The following MYH15 variants were observed in gnomAD, a reference collection of about 807,000 sequenced individuals.
MYH15 encodes myosin-15.
In MYH15, 227 loss-of-function variants were observed where a neutral mutation model predicts 240.5. That is an observed-to-expected ratio of 0.94 (90% CI 0.85 to 1.05). The LOEUF (loss-of-function observed/expected upper bound fraction) is 1.05. MYH15 is among the 50% of genes least tolerant of loss of function. The pLI is 0.00. For missense variants in MYH15, 2,217 were observed against 2,247.5 expected, an observed-to-expected ratio of 0.99 and a Z score of 0.27; for synonymous variants, 785 against 796.7, an observed-to-expected ratio of 0.99 and a Z score of 0.25.
chr3:108,538,689 T>A, the MYH15 span, among the ~76,000 whole-genome samples: 3 of 152,232 alleles, frequency 2.0e-5, no homozygotes, highest in Non-Finnish European at 4.4e-5. Context: ...GAGATGTGTA[T>A]ATAAAAGTTC....
intron 25 of MYH15, among the ~76,000 whole-genome samples, chr3:108,431,978 G>A (rs970291226): frequency 6.6e-6 from 1 of 152,200 alleles, no homozygotes; most frequent in Non-Finnish European, 1.5e-5. Context: ...TCAGAGATAT[G>A]ACTTAGGGTA....
At chr3:108,510,848 G>A (rs914523274), upstream of MYH15, among the ~76,000 whole-genome samples, 1 of 152,054 alleles carries the variant, frequency 6.6e-6, no homozygotes, top group East Asian at 1.9e-4. Flanking sequence ...CCATGAAAAT[G>A]TTTAATTTAT....
the MYH15 span, among the ~76,000 whole-genome samples, chr3:108,534,572 A>G: frequency 6.6e-6 from 1 of 152,132 alleles, no homozygotes; most frequent in African/African-American, 2.4e-5. Context: ...AAAATGATAC[A>G]AGAAATCATT....
chr3:108,424,130 G>A (rs190510857), intron 27 of MYH15, among the ~76,000 whole-genome samples: 3 of 152,294 alleles, frequency 2.0e-5, no homozygotes, highest in Admixed American at 6.5e-5. Flanking sequence ...TTAGTCAATG[G>A]TGCGTGGAAA....
At chr3:108,388,249 G>A (rs185301369) in intron 38 of MYH15, among the ~76,000 whole-genome samples, 1 of 152,306 alleles carries the variant, frequency 6.6e-6, no homozygotes, top group East Asian at 1.9e-4. Flanking sequence ...CCAGACCCTG[G>A]AGGGGAGAAA....
chr3:108,432,246 G>A (rs1455500965), intron 25 of MYH15, among the ~76,000 whole-genome samples: 1 of 152,074 alleles, frequency 6.6e-6, no homozygotes, highest in Non-Finnish European at 1.5e-5. Flanking sequence ...TTTAGTAGAG[G>A]AAGGGTTTCA....
intron 1 of MYH15, among the ~76,000 whole-genome samples, 195 bp from the exon 2 acceptor site, chr3:108,506,024 A>C (rs1039956493): frequency 6.6e-6 from 1 of 152,240 alleles, no homozygotes; most frequent in African/African-American, 2.4e-5. Flanking sequence ...CACTACAGGA[A>C]CAAGAAACAT....
intron 21 of MYH15, among the ~76,000 whole-genome samples, chr3:108,451,450 T>G (rs1262803944): frequency 1.3e-5 from 2 of 152,048 alleles, no homozygotes; most frequent in African/African-American, 4.8e-5. Flanking sequence ...AATGTAAAAT[T>G]TTTTTAATAA....
At chr3:108,392,121 G>A (rs2082427075) in intron 36 of MYH15, among the ~76,000 whole-genome samples, 191 bp from the exon 37 acceptor site, 1 of 152,186 alleles carries the variant, frequency 6.6e-6, no homozygotes, top group East Asian at 1.9e-4. Flanking sequence ...AGAGACAGCA[G>A]TAGCTACAGG....
At chr3:108,514,066 G>A (rs897524168), upstream of MYH15, among the ~76,000 whole-genome samples, 16 of 152,296 alleles carry the variant, frequency 1.1e-4, no homozygotes, top group Middle Eastern at 3.4e-3. Flanking sequence ...GGAGAGCTGA[G>A]ATGTAAGCTT....
intron 38 of MYH15, among the ~76,000 whole-genome samples, chr3:108,387,790 T>C (rs781042547): frequency 1.4e-4 from 21 of 152,210 alleles, no homozygotes; most frequent in Non-Finnish European, 2.9e-4. Flanking sequence ...TCTAAAGAAG[T>C]GTCAGACTAA....
At chr3:108,456,638 A>T in intron 19 of MYH15, 128 bp downstream of exon 19, 1 of 684,484 alleles carries the variant, frequency 1.5e-6, no homozygotes, top group Non-Finnish European at 2.6e-6. Context: ...TCTTCCCACC[A>T]CCAAAACACA....
chr3:108,439,256 A>G (rs1386654331), intron 24 of MYH15, among the ~76,000 whole-genome samples: 1 of 152,222 alleles, frequency 6.6e-6, no homozygotes, highest in Non-Finnish European at 1.5e-5. Context: ...CTAGAATCTT[A>G]AAAGTATTTT....
At chr3:108,400,673 G>T (rs2082497155) in intron 33 of MYH15, among the ~76,000 whole-genome samples, 1 of 152,142 alleles carries the variant, frequency 6.6e-6, no homozygotes, top group African/African-American at 2.4e-5. Flanking sequence ...GCCAGGCGTG[G>T]TGGCATGTGT....
In MYH15 at chr3:108,468,161, T is replaced by C. The variant is rs575354914; in HGVS notation, c.1554+1881A>G. ...TTGTATTTTGAGTAGAGACAGGGTTTCACCATGTTAGCCAGGCTGGTGTCA... is the reference window on the plus strand; with the variant it reads ...TTGTATTTTGAGTAGAGACAGGGTTCCACCATGTTAGCCAGGCTGGTGTCA... On this transcript the variant is annotated intron_variant, in intron 14 of 40. Coordinates refer to ENST00000693548, the MANE Select transcript of MYH15 (RefSeq NM_014981.3). 5.3e-5 allele frequency among the ~76,000 whole-genome samples: 8 copies of C among 152,274 alleles called. 1 individual carries two copies. The South Asian group carries it at 1.7e-3, about 32-fold the overall frequency.
intron 1 of MYH15, among the ~76,000 whole-genome samples, chr3:108,524,942 A>G (rs1418833872): frequency 1.3e-5 from 2 of 152,058 alleles, no homozygotes. Flanking sequence ...AAGAAACAAG[A>G]AGAAGAAAAG....
At chr3:108,492,473 C>T (rs757973157) in intron 9 of MYH15, 27 bp downstream of exon 9, 5 of 1,522,538 alleles carry the variant, frequency 3.3e-6, no homozygotes, top group Middle Eastern at 1.7e-4. Context: ...TTTGGAATAA[C>T]CCTAAGCTCC....
intron 1 of MYH15, among the ~76,000 whole-genome samples, chr3:108,528,578 A>C (rs1458459937): frequency 6.6e-6 from 1 of 152,176 alleles, no homozygotes; most frequent in Non-Finnish European, 1.5e-5. Context: ...TCTCAATTCA[A>C]TCCAAAAGCA....
chr3:108,440,037 A>G, intron 23 of MYH15, 124 bp from the exon 24 acceptor site: 1 of 747,680 alleles, frequency 1.3e-6, no homozygotes, highest in Non-Finnish European at 2.0e-6. Context: ...AAAAAGCTGT[A>G]TTTAGCCAAA....
Sources: gnomAD v4.1 joint callset for allele counts (sites outside exome capture counted in the v4.1 genomes callset) on GRCh38, gnomAD v4.1.1 for gene constraint, MANE v1.5 for transcripts, NCBI Gene and HGNC (gene_info 2026-07-23, HGNC 2026-07-21) for gene names.